HDAC9: variants seen among roughly 807,000 people sequenced by gnomAD.
HDAC9 encodes the protein histone deacetylase 9, also known as MEF-2 interacting transcription repressor (MITR) protein.
Under a neutral mutation model 139.4 loss-of-function variants are expected in HDAC9, and 41 were observed. The ratio of observed to expected loss-of-function variants is 0.29; its 90% CI spans 0.23 to 0.38. The LOEUF (loss-of-function observed/expected upper bound fraction) is 0.38, where lower values mean the gene tolerates loss of function less well. Among genes scored for constraint, HDAC9 ranks in the 10% least tolerant of loss-of-function variants. The pLI, the probability that HDAC9 is intolerant of heterozygous loss-of-function variation, is 1.00. For synonymous variants in HDAC9, 517 were observed against 476.2 expected, an observed-to-expected ratio of 1.09 and a Z score of -1.12; for missense variants, 1,147 against 1,297.0, an observed-to-expected ratio of 0.88 and a Z score of 1.78.
chr7:18,471,934 A>C (rs945091412), intron 1 of HDAC9, among the ~76,000 whole-genome samples: 1 of 152,102 alleles, frequency 6.6e-6, no homozygotes, highest in African/African-American at 2.4e-5. Flanking sequence ...GCAAATAACT[A>C]TTTGTGCTCT....
chr7:18,563,941 T>A (rs1369337388), intron 2 of HDAC9, among the ~76,000 whole-genome samples: 3 of 150,664 alleles, frequency 2.0e-5, no homozygotes, highest in African/African-American at 7.3e-5. Context: ...GTTCAAGCAA[T>A]TCTCCTGCCT....
At chr7:18,315,983 A>G (rs889938702) in intron 1 of HDAC9, among the ~76,000 whole-genome samples, 22 of 152,334 alleles carry the variant, frequency 1.4e-4, no homozygotes, top group Admixed American at 8.5e-4. Flanking sequence ...TAAAATGGTA[A>G]TGATAAAAGT....
chr7:18,720,269 C>T lies in HDAC9; in HGVS notation c.1732-7311C>T, dbSNP rs187189570. 4.9e-3 allele frequency among the ~76,000 whole-genome samples: 745 copies of T among 151,824 alleles called. 4 individuals carry two copies. Among genetic ancestry groups the T allele is most frequent in the Admixed American group, 9.2e-3 (140 of 15,266 alleles). On this transcript the variant is annotated intron_variant, in intron 12 of 25. Transcript: ENST00000686413. ...CTGCACCTGAACAAACTGGCTCATG[C>T]TATTGAATTGAATTATTTTCTTAAA... is the stretch of plus-strand genomic sequence containing the variant.
chr7:18,604,507 C>T (rs1030133145), intron 6 of HDAC9, among the ~76,000 whole-genome samples: 24 of 151,542 alleles, frequency 1.6e-4, no homozygotes, highest in East Asian at 9.7e-4. Context: ...CCTGGGTTCA[C>T]GCCATTCTCC....
intron 6 of HDAC9, among the ~76,000 whole-genome samples, chr7:18,599,093 A>G (rs1833257600): frequency 6.6e-6 from 1 of 152,208 alleles, no homozygotes; most frequent in African/African-American, 2.4e-5. Flanking sequence ...TTCTGTGCTC[A>G]CTAGGGCCAG....
rs188397552 is a variant in HDAC9 at position 18,880,075 on chromosome 7, C to G, written c.2803+5479C>G. 3.2e-4 allele frequency among the ~76,000 whole-genome samples: 48 copies of G among 152,246 alleles called. 1 individual carries two copies. The East Asian group carries it at 9.3e-3, about 29-fold the overall frequency. ...TGAAAAAAGGCTCAATATCACTGAT[C>G]ATTAGAGAAATGCGATCAAAGCCAC... On this transcript the variant is annotated intron_variant, in intron 22 of 25. Transcript: ENST00000686413.
At chr7:18,516,222 A>T (rs1396019207) in intron 2 of HDAC9, among the ~76,000 whole-genome samples, 1 of 152,200 alleles carries the variant, frequency 6.6e-6, no homozygotes, top group Non-Finnish European at 1.5e-5. Flanking sequence ...TAGAGAATAA[A>T]ACCTCAGATG....
chr7:18,719,506 AT>A (rs1312373618), intron 12 of HDAC9, among the ~76,000 whole-genome samples: 3 of 151,552 alleles, frequency 2.0e-5, no homozygotes, highest in Non-Finnish European at 4.4e-5. Context: ...CGCCCAGCTA[AT>A]TTTTGTATTT....
In HDAC9 at chr7:18,829,512, C is replaced by G. The variant is rs777726008; in HGVS notation, c.2430C>G (p.Asp810Glu). The G allele has an allele frequency of 2.5e-6, 4 of 1,611,590 alleles. No homozygotes were observed. Among genetic ancestry groups the G allele is most frequent in the Non-Finnish European group, 2.5e-6 (3 of 1,177,986 alleles). Residue 810 changes from aspartate (D) to glutamate (E), a missense_variant, in exon 19 of 26, where the codon GAC becomes GAG. Around this residue, in one of 7 missense-constraint regions of HDAC9, gnomAD observed 407 missense variants for 521.5 expected, o/e 0.78. Coordinates refer to ENST00000686413, the MANE Select transcript of HDAC9 (RefSeq NM_178425.4). ...SVAITAKYLR[D>E]QLNISKILIV... ...CAATTACCGCCAAATACTTGAGAGA[C>G]CAACTAAATATAAGCAAGATATTGA...
intron 2 of HDAC9, among the ~76,000 whole-genome samples, chr7:18,238,204 A>G (rs945976751): frequency 1.3e-5 from 2 of 152,210 alleles, no homozygotes; most frequent in South Asian, 4.1e-4. Flanking sequence ...TAGTAGTGTG[A>G]TCCCTTGATT....
At position 18,347,157 on chromosome 7, in the gene HDAC9, C is replaced by G. The variant is rs7781805; in HGVS notation, c.-42+56642C>G. Among the ~76,000 whole-genome samples the G allele has an allele frequency of 9.6e-3, 1,467 of 152,292 alleles. 22 individuals carry two copies. The highest frequency in any genetic ancestry group is 0.033 in the African/African-American group (1,382 of 41,556). ...ATTCACCGTATTAATGTAACATTTT[C>G]CAATCCTAGTTACCAGCACTGCAAA... is the stretch of plus-strand genomic sequence containing the variant. On this transcript the variant is annotated intron_variant, in intron 1 of 3. Transcript: ENST00000413509.
At chr7:18,560,254 A>G (rs1820169553) in intron 2 of HDAC9, among the ~76,000 whole-genome samples, 1 of 152,198 alleles carries the variant, frequency 6.6e-6, no homozygotes, top group South Asian at 2.1e-4. Flanking sequence ...CACTCCTGCT[A>G]TTCTACCTGT....
At chr7:18,379,582 A>G (rs1042244983) in intron 1 of HDAC9, among the ~76,000 whole-genome samples, 1 of 152,222 alleles carries the variant, frequency 6.6e-6, no homozygotes, top group Non-Finnish European at 1.5e-5. Flanking sequence ...CACACAAACA[A>G]TTTAAAAGTC....
intron 12 of HDAC9, among the ~76,000 whole-genome samples, chr7:18,715,158 T>C (rs1172896818): frequency 6.6e-6 from 1 of 152,122 alleles, no homozygotes; most frequent in Admixed American, 6.6e-5. Flanking sequence ...GTGACAAGTT[T>C]TCATTCTATT....
intron 2 of HDAC9, among the ~76,000 whole-genome samples, chr7:18,548,172 G>A (rs1467985715): frequency 6.6e-6 from 1 of 152,120 alleles, no homozygotes; most frequent in Non-Finnish European, 1.5e-5. Context: ...GAGAGTCAGA[G>A]ACTGACTGCT....
At chr7:18,435,059 C>CAAAAAAAAAAAAAAAAAA (rs376786180) in intron 1 of HDAC9, among the ~76,000 whole-genome samples, 2 of 67,810 alleles carry the variant, frequency 2.9e-5, no homozygotes, top group Non-Finnish European at 5.2e-5. Context: ...ACTACACAGC[C>CAAAAAAAAAAAAAAAAAA]AAAAAAAAAA....
intron 17 of HDAC9, chr7:18,808,312 C>T (rs1793890623): frequency 6.6e-6 from 1 of 152,088 alleles, no homozygotes; most frequent in Admixed American, 6.6e-5. Context: ...TATTGTACTG[C>T]AAGCCTAGTT....
chr7:18,593,025 T>G (rs1831422416), intron 5 of HDAC9, among the ~76,000 whole-genome samples: 1 of 152,128 alleles, frequency 6.6e-6, no homozygotes, highest in Admixed American at 6.6e-5. Flanking sequence ...CTTGTTTTTA[T>G]GAAATTGAAC....
At chr7:18,284,255 T>C (rs1797290548) in intron 2 of HDAC9, among the ~76,000 whole-genome samples, 1 of 152,148 alleles carries the variant, frequency 6.6e-6, no homozygotes, top group Admixed American at 6.6e-5. Flanking sequence ...AAATTTAATT[T>C]GGTATTTACA....
Sources: gnomAD v4.1 joint callset for allele counts (sites outside exome capture counted in the v4.1 genomes callset) on GRCh38, gnomAD v4.1.1 for gene constraint, gnomAD v4.1.1 regional missense constraint, MANE v1.5 for transcripts, NCBI Gene and HGNC (gene_info 2026-07-23, HGNC 2026-07-21) for gene names.